The following TP63 variants were observed in gnomAD, a reference collection of about 807,000 sequenced individuals.
TP63 encodes the protein tumor protein 63.
Under a neutral mutation model 82.8 loss-of-function variants are expected in TP63, and 17 were observed. That is an observed-to-expected ratio of 0.21 (90% CI 0.14 to 0.31). The LOEUF is 0.31. Ranked by LOEUF, TP63 falls within the 10% of genes least tolerant of loss-of-function variation. The pLI, the probability that TP63 is intolerant of heterozygous loss-of-function variation, is 1.00. For missense variants in TP63, 648 were observed against 895.3 expected, an observed-to-expected ratio of 0.72 and a Z score of 3.52; for synonymous variants, 330 against 321.7, an observed-to-expected ratio of 1.03 and a Z score of -0.28.
intron 4 of TP63, among the ~76,000 whole-genome samples, chr3:189,837,857 T>A (rs1027341609): frequency 6.6e-6 from 1 of 152,150 alleles, no homozygotes; most frequent in African/African-American, 2.4e-5. Flanking sequence ...ACTCCTGGGC[T>A]TAAGCAATCC....
At chr3:189,672,622 AAGGAAGG>A (rs1377044189) in intron 1 of TP63, among the ~76,000 whole-genome samples, 1 of 54,204 alleles carries the variant, frequency 1.8e-5, no homozygotes, top group Non-Finnish European at 4.6e-5. Context: ...AGAAAGAAAA[AAGGAAGG>A]AAGGAAGGGA....
At chr3:189,892,966 A>G (rs1345863774) in intron 13 of TP63, among the ~76,000 whole-genome samples, 1 of 152,136 alleles carries the variant, frequency 6.6e-6, no homozygotes, top group Non-Finnish European at 1.5e-5. Flanking sequence ...GAAGCTGTGC[A>G]ATTTTCTCCT....
At chr3:189,770,235 A>AT (rs1163072055) in intron 3 of TP63, among the ~76,000 whole-genome samples, 3 of 152,102 alleles carry the variant, frequency 2.0e-5, no homozygotes, top group African/African-American at 7.2e-5. Context: ...CCTTGTTAGA[A>AT]TTTTTTATCT....
intron 1 of TP63, among the ~76,000 whole-genome samples, chr3:189,733,385 T>C (rs1720316083): frequency 6.6e-6 from 1 of 152,178 alleles, no homozygotes; most frequent in African/African-American, 2.4e-5. Flanking sequence ...AGAAACTAAA[T>C]CTACATTTCT....
chr3:189,737,922 G>A, intron 2 of TP63, 54 bp downstream of exon 2: 3 of 1,610,170 alleles, frequency 1.9e-6, no homozygotes, highest in Middle Eastern at 1.7e-4. Context: ...GGTAAATGTG[G>A]GTGGTCAAAA....
At chr3:189,640,898 A>T (rs1345609851) in intron 1 of TP63, among the ~76,000 whole-genome samples, 1 of 152,186 alleles carries the variant, frequency 6.6e-6, no homozygotes, top group Non-Finnish European at 1.5e-5. Context: ...TGTGTAAACT[A>T]AACTAAGACA....
intron 8 of TP63, among the ~76,000 whole-genome samples, 187 bp from the exon 9 acceptor site, chr3:189,869,137 A>G (rs537537595): frequency 8.5e-5 from 13 of 152,270 alleles, no homozygotes; most frequent in Non-Finnish European, 1.6e-4. Flanking sequence ...TGTAAAAACA[A>G]TTGTCCCCAG....
Position 189,867,877 on chromosome 3 carries a change from C to T in TP63, c.927C>T (p.Asn309=), listed in dbSNP as rs1399507103. 1 of 1,613,956 alleles carries T rather than the reference C, an allele frequency of 6.2e-7. No homozygotes were observed. Among genetic ancestry groups the T allele is most frequent in the East Asian group, 2.2e-5 (1 of 44,894 alleles). ...CAGTCTTGTACAATTTCATGTGTAA[C>T]AGCAGTTGTGTTGGAGGGATGAACC... ...FTTVLYNFMC[N]SSCVGGMNRR... is the part of the protein sequence containing the mutation. The change falls in exon 7 of 14, where the codon AAC becomes AAT. Residue 309 remains asparagine (N), a synonymous_variant. Transcript: ENST00000264731.
intron 3 of TP63, among the ~76,000 whole-genome samples, chr3:189,790,886 G>A (rs944839970): frequency 3.3e-5 from 5 of 152,134 alleles, no homozygotes; most frequent in South Asian, 4.1e-4. Context: ...AGAGGGCTGC[G>A]AAGCAGGGCC....
chr3:189,662,292 T>G (rs1379643256), intron 1 of TP63, among the ~76,000 whole-genome samples: 1 of 152,092 alleles, frequency 6.6e-6, no homozygotes, highest in Non-Finnish European at 1.5e-5. Context: ...TCAAAAAAAC[T>G]TTTGACTTCT....
rs186150914 is a variant in TP63, at chr3:189,732,786, A to G, written c.63-4954A>G. On this transcript the variant is annotated intron_variant, in intron 1 of 13. Coordinates refer to ENST00000264731, the MANE Select transcript of TP63 (RefSeq NM_003722.5). Reference sequence around the variant, plus strand: ...TCTATCCTCAAGGAGCTGTAAAACCACAAGAAATACAGAGCTGAGAGAGAG... The same window carrying G: ...TCTATCCTCAAGGAGCTGTAAAACCGCAAGAAATACAGAGCTGAGAGAGAG... Among the ~76,000 whole-genome samples, 11 of 151,090 alleles carry G rather than the reference A, an allele frequency of 7.3e-5. No homozygotes were observed. The East Asian group carries it at 2.1e-3, about 29-fold the overall frequency.
Position 189,651,761 on chromosome 3 carries a change from T to C in TP63, c.62+20184T>C, listed in dbSNP as rs1266596261. ...GGAGGGAAAAAATGGTTTCCTGGGC[T>C]GAGTCCAGGGCCCCCTGCTCTGTGC... On this transcript the variant is annotated intron_variant, in intron 1 of 13. Transcript: ENST00000264731. Among the ~76,000 whole-genome samples, 4 of 146,674 alleles carry C rather than the reference T, an allele frequency of 2.7e-5. No homozygotes were observed. The Middle Eastern group carries it at 0.01, about 382-fold the overall frequency.
At chr3:189,813,654 A>G (rs982971907) in intron 4 of TP63, among the ~76,000 whole-genome samples, 3 of 151,054 alleles carry the variant, frequency 2.0e-5, no homozygotes, top group Admixed American at 6.6e-5. Flanking sequence ...TAAGGACCCT[A>G]CCCTTGGGAC....
intron 1 of TP63, among the ~76,000 whole-genome samples, chr3:189,639,666 G>C (rs1301184007): frequency 6.6e-6 from 1 of 151,972 alleles, no homozygotes; most frequent in Non-Finnish European, 1.5e-5. Flanking sequence ...TCATAATTGA[G>C]GGCAAAACCA....
the TP63 span, among the ~76,000 whole-genome samples, chr3:189,618,695 A>G: frequency 6.6e-6 from 1 of 152,186 alleles, no homozygotes. Flanking sequence ...TACCCTTCCA[A>G]CTAGCAAATT....
At chr3:189,843,535 C>T (rs1358649029) in intron 4 of TP63, among the ~76,000 whole-genome samples, 1 of 152,110 alleles carries the variant, frequency 6.6e-6, no homozygotes, top group East Asian at 1.9e-4. Context: ...GGCAGCTAGA[C>T]GGCTGTGGCA....
At chr3:189,624,979 C>G in the TP63 span, among the ~76,000 whole-genome samples, 1 of 152,152 alleles carries the variant, frequency 6.6e-6, no homozygotes, top group East Asian at 1.9e-4. Context: ...ATTCCCTATT[C>G]AACTTCCTCT....
rs928748602 is a variant in TP63 at position 189,894,102 on chromosome 3, A to T, written c.1747-104A>T. On this transcript the variant is annotated intron_variant, in intron 13 of 13. Coordinates refer to ENST00000264731, the MANE Select transcript of TP63 (RefSeq NM_003722.5). ...TTCTAATTTGTGGATCAATAGATTC[A>T]GATCAATTAAACCAGAGCATCAGGG... is the stretch of plus-strand genomic sequence containing the variant. 3 of 1,389,466 alleles carry T rather than the reference A, an allele frequency of 2.2e-6. No individual in the cohort carries two copies. In the African/African-American group the frequency reaches 4.3e-5, roughly 20 times the overall value. 86.1% of individuals were successfully genotyped at this position (1,389,466 alleles called of 1,614,324 possible). A position where few individuals can be genotyped will look rare whatever the true frequency, so the allele number is the denominator to read the frequency against.
the TP63 span, among the ~76,000 whole-genome samples, chr3:189,621,465 C>G: frequency 1.1e-4 from 17 of 152,024 alleles, no homozygotes; most frequent in East Asian, 3.1e-3. Context: ...CACATACACA[C>G]ATGCATACTT....
Sources: allele counts gnomAD v4.1 joint callset (sites outside exome capture counted in the v4.1 genomes callset), GRCh38; gene constraint gnomAD v4.1.1; transcripts MANE v1.5; gene names NCBI Gene and HGNC (gene_info 2026-07-23, HGNC 2026-07-21).